Variants in PDE4D observed in about 807,000 individuals in gnomAD.
PDE4D encodes phosphodiesterase 4D.
Under a neutral mutation model 87.4 loss-of-function variants are expected in PDE4D, and 24 were observed. The ratio of observed to expected loss-of-function variants is 0.27; its 90% CI spans 0.20 to 0.39. The LOEUF is 0.39. Ranked by LOEUF, PDE4D falls within the 10% of genes least tolerant of loss-of-function variation. PDE4D has a pLI of 1.00. For synonymous variants in PDE4D, 384 were observed against 383.2 expected, an observed-to-expected ratio of 1.00 and a Z score of -0.02; for missense variants, 714 against 1,041.0, an observed-to-expected ratio of 0.69 and a Z score of 4.32.
intron 1 of PDE4D, among the ~76,000 whole-genome samples, chr5:60,187,097 G>A (rs1784842833): frequency 6.6e-6 from 1 of 152,176 alleles, no homozygotes; most frequent in Admixed American, 6.5e-5. Context: ...AAGGGACAAA[G>A]CCTTCTTCCA....
At chr5:59,131,713 A>G (rs1189979467) in intron 5 of PDE4D, among the ~76,000 whole-genome samples, 1 of 151,904 alleles carries the variant, frequency 6.6e-6, no homozygotes, top group Non-Finnish European at 1.5e-5. Flanking sequence ...TTGCATATTA[A>G]AAGTATATAG....
At chr5:59,157,540 G>A (rs544875841) in intron 5 of PDE4D, among the ~76,000 whole-genome samples, 23 of 152,282 alleles carry the variant, frequency 1.5e-4, no homozygotes, top group African/African-American at 5.3e-4. Flanking sequence ...ACCAGCTCCT[G>A]ATCATAATGA....
chr5:59,800,949 G>A (rs952923066), intron 1 of PDE4D, among the ~76,000 whole-genome samples: 5 of 152,344 alleles, frequency 3.3e-5, no homozygotes, highest in South Asian at 2.1e-4. Context: ...TGATGAGGAT[G>A]TGAATCTGAT....
chr5:59,288,683 A>T (rs565875346), intron 1 of PDE4D, among the ~76,000 whole-genome samples: 153 of 152,258 alleles, frequency 1.0e-3, no homozygotes, highest in Middle Eastern at 3.4e-3. Flanking sequence ...GTCAAAGATA[A>T]GAAAGAATCT....
chr5:60,094,013 A>T (rs944144025), intron 2 of PDE4D, among the ~76,000 whole-genome samples: 1 of 152,200 alleles, frequency 6.6e-6, no homozygotes, highest in Non-Finnish European at 1.5e-5. Context: ...ACTTATAATC[A>T]GGAAAATCAG....
chr5:60,266,922 G>C (rs1750272211), intron 1 of PDE4D, among the ~76,000 whole-genome samples: 1 of 152,182 alleles, frequency 6.6e-6, no homozygotes, highest in Non-Finnish European at 1.5e-5. Context: ...AGCAGATGTA[G>C]AGGAGTGAAG....
intron 2 of PDE4D, among the ~76,000 whole-genome samples, chr5:59,194,819 G>T (rs1745097526): frequency 6.6e-6 from 1 of 152,126 alleles, no homozygotes; most frequent in Non-Finnish European, 1.5e-5. Context: ...ACTAATAAGT[G>T]GTAGAGGCAG....
chr5:59,872,834 A>C (rs1748019716), intron 1 of PDE4D, among the ~76,000 whole-genome samples: 1 of 152,150 alleles, frequency 6.6e-6, no homozygotes, highest in African/African-American at 2.4e-5. Context: ...TAGGAAAAAA[A>C]ACTCCTACTG....
chr5:59,771,546 G>GAAAGA (rs1763579561), intron 1 of PDE4D, among the ~76,000 whole-genome samples: 2 of 148,982 alleles, frequency 1.3e-5, no homozygotes, highest in African/African-American at 5.1e-5. Flanking sequence ...AAGAAAGAAA[G>GAAAGA]AAAGAAAAGA....
rs1017885252 is a variant in PDE4D, at chr5:60,235,644, CA to C, written c.-89-49958del. The stretch of plus-strand genomic sequence containing the variant: ...CTCCTAGTTCAGCCCTCTCAGTTCA[CA>C]AAAAAAAAATAAAACTGAAGCCCAG... On this transcript the variant is annotated intron_variant, in intron 1 of 16. Coordinates refer to the PDE4D transcript ENST00000502484. Among the ~76,000 whole-genome samples, 6 of 146,896 alleles carry C rather than the reference CA, an allele frequency of 4.1e-5. No individual in the cohort carries two copies. The East Asian group carries it at 6.0e-4, about 15-fold the overall frequency.
intron 1 of PDE4D, among the ~76,000 whole-genome samples, chr5:59,580,645 A>G (rs1467459769): frequency 6.6e-6 from 1 of 152,034 alleles, no homozygotes; most frequent in Non-Finnish European, 1.5e-5. Flanking sequence ...CTTTAAAAAA[A>G]TAGAGAGAGA....
At chr5:59,209,765 G>C (rs910066261) in intron 2 of PDE4D, among the ~76,000 whole-genome samples, 1 of 152,104 alleles carries the variant, frequency 6.6e-6, no homozygotes, top group African/African-American at 2.4e-5. Flanking sequence ...TTTCTGCTCA[G>C]CACTTCATTT....
intron 1 of PDE4D, among the ~76,000 whole-genome samples, chr5:59,715,722 G>A (rs569673345): frequency 7.2e-5 from 11 of 152,336 alleles, no homozygotes; most frequent in African/African-American, 2.6e-4. Context: ...GACCTCCTAT[G>A]ACCAGGATGG....
chr5:60,132,087 T>C (rs1779641290), intron 2 of PDE4D, among the ~76,000 whole-genome samples: 1 of 152,216 alleles, frequency 6.6e-6, no homozygotes, highest in African/African-American at 2.4e-5. Context: ...ATTTAGTTTT[T>C]CTACTATTTT....
chr5:59,284,060 C>T (rs372314659), intron 1 of PDE4D, among the ~76,000 whole-genome samples: 25 of 152,154 alleles, frequency 1.6e-4, no homozygotes, highest in African/African-American at 6.0e-4. Flanking sequence ...CAATCCCTTG[C>T]TCTTGATCAC....
chr5:60,028,600 C>T (rs543146655), intron 2 of PDE4D, among the ~76,000 whole-genome samples: 3 of 152,192 alleles, frequency 2.0e-5, no homozygotes, highest in Non-Finnish European at 4.4e-5. Context: ...ATCCCAATTA[C>T]TTGTATAAAA....
chr5:59,213,399 A>C (rs1477368581), intron 2 of PDE4D, among the ~76,000 whole-genome samples: 2 of 152,028 alleles, frequency 1.3e-5, no homozygotes, highest in Non-Finnish European at 2.9e-5. Context: ...CTTCCTAAAG[A>C]ATACAGTTCT....
chr5:60,243,336 C>T (rs116636639), intron 1 of PDE4D, among the ~76,000 whole-genome samples: 21 of 152,030 alleles, frequency 1.4e-4, no homozygotes, highest in Admixed American at 2.0e-4. Context: ...AAAGAAATCT[C>T]GCAGTAAAGA....
chr5:59,243,691 C>T (rs1758187311), intron 1 of PDE4D, among the ~76,000 whole-genome samples: 1 of 151,826 alleles, frequency 6.6e-6, no homozygotes, highest in South Asian at 2.1e-4. Flanking sequence ...AACTCCTGAC[C>T]TCAGGTGATC....
Sources: gnomAD v4.1 joint callset for allele counts (sites outside exome capture counted in the v4.1 genomes callset) on GRCh38, gnomAD v4.1.1 for gene constraint, MANE v1.5 for transcripts, NCBI Gene and HGNC (gene_info 2026-07-23, HGNC 2026-07-21) for gene names.